The following TRAF3 variants were observed in gnomAD, a reference collection of about 807,000 sequenced individuals.
TRAF3 encodes the protein TNF receptor-associated factor 3.
In TRAF3, 13 loss-of-function variants were observed where a neutral mutation model predicts 62.3. That is an observed-to-expected ratio of 0.21 (90% CI 0.14 to 0.33). The LOEUF (loss-of-function observed/expected upper bound fraction) is 0.33, where lower values mean the gene tolerates loss of function less well. Ranked by LOEUF, TRAF3 falls within the 10% of genes least tolerant of loss-of-function variation. The pLI is 1.00. For synonymous variants in TRAF3, 269 were observed against 283.4 expected (o/e 0.95, Z 0.51); for missense variants, 440 against 741.8 (o/e 0.59, Z 4.73).
At chr14:102,803,055 A>G (rs984111869) in intron 1 of TRAF3, among the ~76,000 whole-genome samples, 7 of 152,196 alleles carry the variant, frequency 4.6e-5, no homozygotes, top group African/African-American at 1.7e-4. Flanking sequence ...TCACAAGAAC[A>G]GGATGGTGGA....
intron 2 of TRAF3, among the ~76,000 whole-genome samples, chr14:102,845,976 G>A (rs1324164306): frequency 1.4e-5 from 1 of 68,982 alleles, no homozygotes; most frequent in African/African-American, 6.7e-5. Context: ...GGTCGACCGT[G>A]TCTCAAAAAA....
At chr14:102,874,650 C>CT (rs5811084) in intron 4 of TRAF3, among the ~76,000 whole-genome samples, 53,722 of 143,044 alleles carry the variant, frequency 0.38, 13,404 homozygotes, top group African/African-American at 0.72. Flanking sequence ...TTTTCTTCTT[C>CT]TTTTTTTTTT....
chr14:102,813,455 T>G (rs1899322816), intron 1 of TRAF3, among the ~76,000 whole-genome samples: 1 of 150,484 alleles, frequency 6.6e-6, no homozygotes, highest in Non-Finnish European at 1.5e-5. Context: ...TTTCTTTTCT[T>G]TTCTTTTTTT....
At chr14:102,834,704 A>G (rs201367288) in intron 2 of TRAF3, among the ~76,000 whole-genome samples, 35 of 150,858 alleles carry the variant, frequency 2.3e-4, no homozygotes, top group South Asian at 1.2e-3. Flanking sequence ...AAAAAAAAAA[A>G]AAAGAAATTG....
intron 4 of TRAF3, among the ~76,000 whole-genome samples, chr14:102,872,970 G>T (rs1888430119): frequency 6.6e-6 from 1 of 152,176 alleles, no homozygotes; most frequent in Non-Finnish European, 1.5e-5. Flanking sequence ...GGGATTACAG[G>T]CATGAGCCAC....
At chr14:102,901,172 G>A (rs1246176129) in intron 10 of TRAF3, among the ~76,000 whole-genome samples, 3 of 152,108 alleles carry the variant, frequency 2.0e-5, no homozygotes, top group African/African-American at 7.2e-5. Flanking sequence ...TGCTGTGTGG[G>A]GGAGTCCTTG....
chr14:102,799,110 G>A (rs997525296), intron 1 of TRAF3, among the ~76,000 whole-genome samples: 3 of 152,134 alleles, frequency 2.0e-5, no homozygotes, highest in Admixed American at 6.5e-5. Context: ...CCTGAGACTG[G>A]GTGTGAGAAG....
chr14:102,816,765 A>G (rs1899552124), intron 1 of TRAF3, among the ~76,000 whole-genome samples: 1 of 152,074 alleles, frequency 6.6e-6, no homozygotes, highest in Non-Finnish European at 1.5e-5. Context: ...TCTGTTTTCC[A>G]CGGTGCTGTG....
At chr14:102,883,345 A>G (rs1206973853) in intron 6 of TRAF3, among the ~76,000 whole-genome samples, 2 of 152,250 alleles carry the variant, frequency 1.3e-5, no homozygotes, top group Admixed American at 1.3e-4. Context: ...AGAATTCTGT[A>G]TTAACAAAAT....
intron 9 of TRAF3, among the ~76,000 whole-genome samples, chr14:102,894,787 G>A (rs1052007214): frequency 2.6e-5 from 4 of 152,130 alleles, no homozygotes; most frequent in African/African-American, 7.2e-5. Flanking sequence ...CTGCAGCCTC[G>A]ACCTCCTGGG....
intron 9 of TRAF3, among the ~76,000 whole-genome samples, chr14:102,895,445 G>T (rs767824542): frequency 1.3e-5 from 2 of 152,242 alleles, no homozygotes; most frequent in Non-Finnish European, 2.9e-5. Flanking sequence ...CCTTTAGATG[G>T]ACAGCATCGG....
intron 1 of TRAF3, among the ~76,000 whole-genome samples, chr14:102,777,953 C>G (rs1897095035): frequency 6.7e-6 from 1 of 150,232 alleles, no homozygotes; most frequent in East Asian, 2.0e-4. Context: ...GGGGCCGGGG[C>G]GCCCGCACCT....
chr14:102,895,148 G>A (rs1304314562), intron 9 of TRAF3: 1 of 455,470 alleles, frequency 2.2e-6, no homozygotes, highest in Admixed American at 2.4e-5. Context: ...TACTTTCAGA[G>A]GGACACAACT....
intron 10 of TRAF3, among the ~76,000 whole-genome samples, chr14:102,901,452 G>T (rs1890296400): frequency 6.6e-6 from 1 of 152,238 alleles, no homozygotes; most frequent in Non-Finnish European, 1.5e-5. Flanking sequence ...CAGTGTGCGT[G>T]TTAGAAGGTG....
At chr14:102,820,381 C>T (rs975753249) in intron 1 of TRAF3, among the ~76,000 whole-genome samples, 2 of 151,970 alleles carry the variant, frequency 1.3e-5, no homozygotes, top group African/African-American at 4.8e-5. Context: ...CCGGGGCCCC[C>T]TCTCTGCAGT....
intron 2 of TRAF3, among the ~76,000 whole-genome samples, chr14:102,842,121 G>A (rs563073730): frequency 2.0e-5 from 3 of 151,724 alleles, no homozygotes; most frequent in Admixed American, 6.6e-5. Context: ...GCAGGCGCCT[G>A]TAATCCCAGC....
At chr14:102,841,832 C>T (rs1025109778) in intron 2 of TRAF3, among the ~76,000 whole-genome samples, 2 of 152,054 alleles carry the variant, frequency 1.3e-5, no homozygotes, top group Non-Finnish European at 2.9e-5. Context: ...ATTAAAATAA[C>T]TTATAAATAT....
intron 1 of TRAF3, among the ~76,000 whole-genome samples, chr14:102,828,001 G>A (rs749458267): frequency 2.6e-5 from 4 of 152,244 alleles, no homozygotes; most frequent in Non-Finnish European, 4.4e-5. Context: ...CCCGCAGGGC[G>A]TACCTGAGCC....
At chr14:102,895,968 C>T (rs1459481549) in intron 9 of TRAF3, among the ~76,000 whole-genome samples, 1 of 152,066 alleles carries the variant, frequency 6.6e-6, no homozygotes, top group Non-Finnish European at 1.5e-5. Flanking sequence ...TTTTTGTATT[C>T]TCGTCACGCT....
Sources: gnomAD v4.1 joint callset for allele counts (sites outside exome capture counted in the v4.1 genomes callset) on GRCh38, gnomAD v4.1.1 for gene constraint, MANE v1.5 for transcripts, NCBI Gene and HGNC (gene_info 2026-07-23, HGNC 2026-07-21) for gene names.